The following MPP7 variants were observed in gnomAD, a reference collection of about 807,000 sequenced individuals.
MPP7 encodes the protein MAGUK p55 subfamily member 7.
MPP7 carries 60 observed loss-of-function variants against 76.5 expected under a neutral mutation model. The observed-to-expected ratio is 0.78, with a 90% CI of 0.64 to 0.97. The LOEUF is 0.97. MPP7 is among the 50% of genes least tolerant of loss of function. The pLI is 0.00. For missense variants in MPP7, 641 were observed against 694.0 expected, an observed-to-expected ratio of 0.92 and a Z score of 0.86; for synonymous variants, 237 against 244.5, an observed-to-expected ratio of 0.97 and a Z score of 0.29.
In MPP7 at chr10:28,232,326, C is replaced by T. The variant is rs541306697; in HGVS notation, c.37+6242G>A. ...CTACAACTGCACCACTGTACTCCAT[C>T]CTGGGTGACAGAGTGAGATCCTGTC... On this transcript the variant is annotated intron_variant, in intron 2 of 16. Transcript: ENST00000683449. 2.6e-5 allele frequency among the ~76,000 whole-genome samples: 4 copies of T among 151,156 alleles called. No individual in the cohort carries two copies. In the East Asian group the frequency reaches 7.9e-4, roughly 30 times the overall value.
intron 11 of MPP7, among the ~76,000 whole-genome samples, chr10:28,106,944 A>C (rs986026874): frequency 6.6e-6 from 1 of 152,212 alleles, no homozygotes; most frequent in Non-Finnish European, 1.5e-5. Context: ...CTACTGATTA[A>C]ATACTCATTT....
chr10:28,317,976 TACCCTGTGCAG>T (rs1834337795), intron 2 of MPP7, among the ~76,000 whole-genome samples: 2 of 152,232 alleles, frequency 1.3e-5, no homozygotes, highest in Non-Finnish European at 2.9e-5. Context: ...ATGACTGCAG[TACCCTGTGCAG>T]TACACAAGCT....
chr10:28,055,233 C>G (rs1046798887), intron 16 of MPP7, among the ~76,000 whole-genome samples: 1 of 152,036 alleles, frequency 6.6e-6, no homozygotes, highest in Admixed American at 6.6e-5. Context: ...TTCACAATAA[C>G]AGAAAATTTA....
intron 3 of MPP7, among the ~76,000 whole-genome samples, chr10:28,155,901 C>T (rs1271462287): frequency 6.6e-6 from 1 of 152,156 alleles, no homozygotes; most frequent in Admixed American, 6.5e-5. Flanking sequence ...GCAGCCACCA[C>T]ACTGCCTCTA....
intron 3 of MPP7, among the ~76,000 whole-genome samples, chr10:28,157,349 C>T (rs1315496231): frequency 6.6e-6 from 1 of 152,190 alleles, no homozygotes; most frequent in East Asian, 1.9e-4. Flanking sequence ...CCTCTGCCCA[C>T]AAGCCCAAAT....
At chr10:28,179,705 G>A (rs1349616741) in intron 3 of MPP7, among the ~76,000 whole-genome samples, 1 of 152,100 alleles carries the variant, frequency 6.6e-6, no homozygotes, top group African/African-American at 2.4e-5. Context: ...CCTAGTGGAG[G>A]CACATAATAT....
At chr10:28,297,934 T>C (rs1303022419) in intron 1 of MPP7, among the ~76,000 whole-genome samples, 2 of 152,216 alleles carry the variant, frequency 1.3e-5, no homozygotes, top group African/African-American at 4.8e-5. Flanking sequence ...AAGAAGCCAC[T>C]TTCTTTGCTC....
intron 5 of MPP7, among the ~76,000 whole-genome samples, chr10:28,136,558 T>C (rs574418983): frequency 1.3e-5 from 2 of 152,162 alleles, no homozygotes; most frequent in South Asian, 4.1e-4. Flanking sequence ...AACCAAACCC[T>C]AAAATTACAC....
At chr10:28,302,638 GC>G (rs1306041262) in intron 1 of MPP7, among the ~76,000 whole-genome samples, 1 of 151,968 alleles carries the variant, frequency 6.6e-6, no homozygotes, top group African/African-American at 2.4e-5. Context: ...TCAGGGTCCC[GC>G]CCGAGGCGGC....
At chr10:28,276,232 T>C (rs1371924761) in intron 1 of MPP7, among the ~76,000 whole-genome samples, 1 of 151,848 alleles carries the variant, frequency 6.6e-6, no homozygotes, top group Admixed American at 6.6e-5. Flanking sequence ...GGTTTCACCA[T>C]ATTGGCCAGA....
At position 28,153,741 on chromosome 10, in the gene MPP7, C is replaced by T. The variant is rs146784866; in HGVS notation, c.157-3682G>A. 5.5e-3 allele frequency among the ~76,000 whole-genome samples: 832 copies of T among 152,042 alleles called. 4 individuals are homozygous for T. The highest frequency in any genetic ancestry group is 8.3e-3 in the Non-Finnish European group (564 of 67,902). On this transcript the variant is annotated intron_variant, in intron 3 of 16. Coordinates refer to ENST00000683449, the MANE Select transcript of MPP7 (RefSeq NM_001318170.2). ...CAATAATTAAACTATGAATAAAGTACCCCCCAATGCAGTCATGTGTTTTAT... is the reference window on the plus strand; with the variant it reads ...CAATAATTAAACTATGAATAAAGTATCCCCCAATGCAGTCATGTGTTTTAT...
chr10:28,119,196 A>C, intron 11 of MPP7: 1 of 356,650 alleles, frequency 2.8e-6, no homozygotes, highest in Non-Finnish European at 3.9e-6. Context: ...AAAGGTCAGA[A>C]GTATTATGAT....
chr10:28,150,861 T>C (rs763372924), intron 3 of MPP7, among the ~76,000 whole-genome samples: 3 of 152,110 alleles, frequency 2.0e-5, no homozygotes, highest in Non-Finnish European at 2.9e-5. Context: ...CCTTGAAAAA[T>C]CTAGCAGAAA....
chr10:28,122,525 T>A lies in MPP7; in HGVS notation c.615+1506A>T, dbSNP rs902260560. Reference sequence around the variant, plus strand: ...TAATTTATCCCATCCCCAAATCATATAAATATACCTATTTTCCTATACCCT... The same window carrying A: ...TAATTTATCCCATCCCCAAATCATAAAAATATACCTATTTTCCTATACCCT... On this transcript the variant is annotated intron_variant, in intron 8 of 16. Transcript: ENST00000683449. 2.6e-5 allele frequency among the ~76,000 whole-genome samples: 4 copies of A among 152,296 alleles called. No individual in the cohort carries two copies. The South Asian group carries it at 8.3e-4, about 32-fold the overall frequency.
chr10:28,143,855 CTGTGTGTGTGTGTGTGTG>C lies in MPP7; in HGVS notation c.315+3610_315+3627del, dbSNP rs60960005. Among the ~76,000 whole-genome samples the C allele has an allele frequency of 1.0e-3, 138 of 134,550 alleles. 1 individual carries two copies. Among genetic ancestry groups the C allele is most frequent in the Non-Finnish European group, 1.8e-3 (110 of 61,604 alleles). The allele number at this position is 134,550 out of a possible 152,430, so 88.3% of individuals were successfully genotyped here. On this transcript the variant is annotated intron_variant, in intron 5 of 16. Transcript: ENST00000683449. ...CTTTCATTAGGACCTCAATCGTGTGCTGTGTGTGTGTGTGTGTGTGTGTGTGTGTGTGTGTGTGTGTGT... is the reference window on the plus strand; with the variant it reads ...CTTTCATTAGGACCTCAATCGTGTGCTGTGTGTGTGTGTGTGTGTGTGTGT...
chr10:28,210,967 TTAC>T (rs1382885216), intron 2 of MPP7, among the ~76,000 whole-genome samples: 3 of 152,202 alleles, frequency 2.0e-5, no homozygotes, highest in Admixed American at 2.0e-4. Context: ...CATGTGCCAC[TTAC>T]TTTTTGTTAA....
chr10:28,184,689 T>C (rs964400208), intron 3 of MPP7, among the ~76,000 whole-genome samples: 9 of 148,794 alleles, frequency 6.0e-5, no homozygotes, highest in South Asian at 4.2e-4. Context: ...GCCTGGGTGA[T>C]AGAGTGAGAC....
At position 28,220,083 on chromosome 10, in the gene MPP7, T is replaced by A. The variant is rs989901353; in HGVS notation, c.38-17812A>T. On this transcript the variant is annotated intron_variant, in intron 2 of 16. Transcript: ENST00000683449. ...AAATAATTATAGTATTGCAGCTTGC[T>A]TGATAACACTTTATACAATTATCTT... is the stretch of plus-strand genomic sequence containing the variant. 3.9e-5 allele frequency among the ~76,000 whole-genome samples: 6 copies of A among 152,190 alleles called. No homozygotes were observed. The East Asian group carries it at 1.2e-3, about 29-fold the overall frequency.
chr10:28,237,907 TACC>T (rs1473599991), intron 2 of MPP7, among the ~76,000 whole-genome samples: 1 of 152,198 alleles, frequency 6.6e-6, no homozygotes, highest in Non-Finnish European at 1.5e-5. Flanking sequence ...AAGAGGCATC[TACC>T]ACCACACTTC....
Sources: allele counts gnomAD v4.1 joint callset (sites outside exome capture counted in the v4.1 genomes callset), GRCh38; gene constraint gnomAD v4.1.1; transcripts MANE v1.5; gene names NCBI Gene and HGNC (gene_info 2026-07-23, HGNC 2026-07-21).